Variants in RPGR observed in about 807,000 individuals in gnomAD.
RPGR encodes X-linked retinitis pigmentosa GTPase regulator.
RPGR carries 10 observed loss-of-function variants against 56.3 expected under a neutral mutation model. The ratio of observed to expected loss-of-function variants is 0.18; its 90% CI spans 0.11 to 0.30. RPGR has a LOEUF of 0.30. Ranked by LOEUF, RPGR falls within the 10% of genes least tolerant of loss-of-function variation. The pLI is 1.00. For synonymous variants in RPGR, 197 were observed against 212.9 expected (o/e 0.93, Z 0.65); for missense variants, 538 against 590.9 (o/e 0.91, Z 0.93).
chrX:38,303,968 A>T (rs908444990), intron 8 of RPGR, among the ~76,000 whole-genome samples: 5 of 112,664 alleles, frequency 4.4e-5, no homozygotes, highest in Non-Finnish European at 9.4e-5. Flanking sequence ...AAAACTGTGG[A>T]CTATATCAAT....
chrX:38,278,352 T>G, intron 15 of RPGR, among the ~76,000 whole-genome samples: 1 of 112,257 alleles, frequency 8.9e-6, no homozygotes, highest in Non-Finnish European at 1.9e-5. Flanking sequence ...GCGATTCTCC[T>G]GCCTCAGCCT....
chrX:38,315,167 T>C (rs1007004599), intron 6 of RPGR, among the ~76,000 whole-genome samples: 8 of 110,685 alleles, frequency 7.2e-5, no homozygotes, highest in Non-Finnish European at 1.3e-4. Flanking sequence ...CTGTCGCTAT[T>C]AAAAATACAA....
intron 6 of RPGR, 42 bp from the exon 7 acceptor site, chrX:38,310,815 T>C (rs762006292): frequency 6.0e-5 from 70 of 1,175,162 alleles, no homozygotes; most frequent in South Asian, 5.1e-4. Context: ...GACATACATA[T>C]GAACAAAAAG....
At chrX:38,297,139 G>A in intron 11 of RPGR, 145 bp downstream of exon 11, 1 of 602,325 alleles carries the variant, frequency 1.7e-6, no homozygotes, top group Non-Finnish European at 2.7e-6. Flanking sequence ...GATATTCCCG[G>A]ATTTGAGTTC....
chrX:38,299,228 T>C, intron 9 of RPGR, 87 bp from the exon 10 acceptor site: 1 of 980,041 alleles, frequency 1.0e-6, no homozygotes, highest in Non-Finnish European at 1.4e-6. Flanking sequence ...AAGACATTTA[T>C]TTAGTGGTAG....
At position 38,291,456 on chromosome X, in the gene RPGR, T is replaced by G. The variant is rs144863059; in HGVS notation, c.1443A>C (p.Glu481Asp). The stretch of plus-strand genomic sequence containing the variant: ...CAGTTGAAGAATTATCTATCTCTGC[T>G]TCTTTGGTCATTTCATCTAGCAAAT... The change falls in exon 12 of 19, where the codon GAA (glutamate) becomes GAC (aspartate). Residue 481 changes from glutamate (E) to aspartate (D), a missense_variant. Glu to Asp is a conservative substitution (Grantham distance 45). Around this residue, in one of 2 missense-constraint regions of RPGR, gnomAD observed 357 missense variants for 325.8 expected, o/e 1.10. Coordinates refer to ENST00000642395, the MANE Select transcript of RPGR (RefSeq NM_000328.3). 50 of 1,159,229 alleles carry G rather than the reference T, an allele frequency of 4.3e-5. No individual in the cohort carries two copies. In the African/African-American group the frequency reaches 8.5e-4, roughly 20 times the overall value.
intron 15 of RPGR, among the ~76,000 whole-genome samples, chrX:38,284,182 T>G (rs2067085189): frequency 1.8e-5 from 2 of 111,534 alleles, no homozygotes; most frequent in African/African-American, 6.5e-5. Flanking sequence ...TCCTCCTTAA[T>G]AAAACTAAGT....
intron 13 of RPGR, among the ~76,000 whole-genome samples, chrX:38,288,343 C>T (rs780508700): frequency 3.6e-5 from 4 of 112,186 alleles, no homozygotes; most frequent in Non-Finnish European, 1.9e-5. Flanking sequence ...CTCTCTGCCT[C>T]TTTTCTCAAT....
intron 7 of RPGR, among the ~76,000 whole-genome samples, chrX:38,306,393 G>GT (rs1333288464): frequency 2.1e-4 from 24 of 112,266 alleles, no homozygotes; most frequent in African/African-American, 6.8e-4. Flanking sequence ...TTTCTAAAAA[G>GT]TATCTAATCA....
chrX:38,281,205 C>T (rs1251715235), intron 15 of RPGR, among the ~76,000 whole-genome samples: 1 of 112,379 alleles, frequency 8.9e-6, no homozygotes, highest in Non-Finnish European at 1.9e-5. Flanking sequence ...AGAAGATTTT[C>T]TTGTTGTCCA....
chrX:38,271,298 C>T (rs2066837459), intron 18 of RPGR, among the ~76,000 whole-genome samples: 1 of 111,789 alleles, frequency 8.9e-6, no homozygotes, highest in Non-Finnish European at 1.9e-5. Flanking sequence ...TGAAGAAATA[C>T]ACAACTTCAA....
chrX:38,273,191 AAAG>A (rs2066873483), intron 18 of RPGR, among the ~76,000 whole-genome samples: 1 of 112,027 alleles, frequency 8.9e-6, no homozygotes, highest in African/African-American at 3.2e-5. Context: ...AAAAGGATGA[AAAG>A]AAGATCATCA....
At chrX:38,327,107 T>C (rs140026681) in intron 1 of RPGR, among the ~76,000 whole-genome samples, 1 of 110,936 alleles carries the variant, frequency 9.0e-6, no homozygotes, top group Non-Finnish European at 1.9e-5. Flanking sequence ...CATCAAGAGC[T>C]TATTTAAAAA....
At chrX:38,296,257 G>T (rs2067381529) in intron 11 of RPGR, 1 of 111,488 alleles carries the variant, frequency 9.0e-6, no homozygotes, top group Non-Finnish European at 1.9e-5. Flanking sequence ...AGAGCTTGCA[G>T]TGAGCCCAGA....
chrX:38,299,216 G>A (rs914651404), intron 9 of RPGR, 75 bp from the exon 10 acceptor site: 23 of 1,051,434 alleles, frequency 2.2e-5, no homozygotes, highest in African/African-American at 7.4e-5. Flanking sequence ...GTTATCAGCT[G>A]TAAGACATTT....
At chrX:38,304,140 T>C (rs912351765) in intron 8 of RPGR, among the ~76,000 whole-genome samples, 3 of 111,511 alleles carry the variant, frequency 2.7e-5, no homozygotes, top group Non-Finnish European at 5.6e-5. Flanking sequence ...TAGTGGTCTC[T>C]GAGGGTCCCT....
intron 5 of RPGR, among the ~76,000 whole-genome samples, chrX:38,318,281 A>T (rs1355755251): frequency 1.8e-5 from 2 of 110,327 alleles, no homozygotes; most frequent in African/African-American, 3.3e-5. Context: ...TTCCTGATAG[A>T]GTAACACCGG....
At chrX:38,277,264 TAGAC>T (rs10553998) in intron 15 of RPGR, among the ~76,000 whole-genome samples, 8,609 of 111,078 alleles carry the variant, frequency 0.078, 473 homozygotes, top group African/African-American at 0.17. Flanking sequence ...TAAAGGAACA[TAGAC>T]AGTTTAAATG....
chrX:38,322,840 A>C lies in RPGR; in HGVS notation c.247+13T>G. On this transcript the variant is annotated intron_variant, in intron 3 of 18. Transcript: ENST00000642395. The stretch of plus-strand genomic sequence containing the variant: ...CTTTATACAGTTTGTGAAAAGATAA[A>C]AAGATCCCAAACCTTTGACACATGT... The C allele has an allele frequency of 8.4e-7, 1 of 1,188,326 alleles. No homozygotes were observed. Among genetic ancestry groups the C allele is most frequent in the Non-Finnish European group, 1.1e-6 (1 of 874,027 alleles).
Sources: gnomAD v4.1 joint callset for allele counts (sites outside exome capture counted in the v4.1 genomes callset) on GRCh38, gnomAD v4.1.1 for gene constraint, gnomAD v4.1.1 regional missense constraint, MANE v1.5 for transcripts, NCBI Gene and HGNC (gene_info 2026-07-23, HGNC 2026-07-21) for gene names.